The following MATN4 variants were observed in gnomAD, a reference collection of about 807,000 sequenced individuals.
MATN4 encodes the protein matrilin-4.
Under a neutral mutation model 54.6 loss-of-function variants are expected in MATN4, and 40 were observed. That is an observed-to-expected ratio of 0.73 (90% CI 0.57 to 0.95). The LOEUF is 0.95. MATN4 is among the 40% of genes least tolerant of loss of function. The pLI is 0.00. For missense variants in MATN4, 810 were observed against 819.1 expected, an observed-to-expected ratio of 0.99 and a Z score of 0.13; for synonymous variants, 351 against 345.3, an observed-to-expected ratio of 1.02 and a Z score of -0.18.
chr20:45,293,918 C>G lies in MATN4; in HGVS notation c.1677G>C (p.Leu559=). 6.2e-7 allele frequency: 1 copy of G among 1,602,888 alleles called. No individual in the cohort carries two copies. The highest frequency in any genetic ancestry group is 1.1e-5 in the South Asian group (1 of 90,582). The change falls in exon 9 of 10, where the codon CTG becomes CTC. Residue 559 remains leucine, a synonymous_variant. Transcript: ENST00000372756. Reference sequence around the variant, plus strand: ...AGCCCCAAAGGATATGGTTCAGCGTCAGGCTCTCGAGCGCCCCCAGCGTGC... The same window carrying G: ...AGCCCCAAAGGATATGGTTCAGCGTGAGGCTCTCGAGCGCCCCCAGCGTGC... ...QGRTLGALES[L]TLNLAQLTAR...
intron 6 of MATN4, among the ~76,000 whole-genome samples, chr20:45,299,313 C>G (rs189233473): frequency 1.5e-3 from 221 of 152,216 alleles, no homozygotes; most frequent in African/African-American, 5.1e-3. Flanking sequence ...GTCAGACATG[C>G]TATGTGCTCT....
At chr20:45,307,001 A>ACCCCCCCCCCCCCCCCCCCCCC (rs562994913) in intron 1 of MATN4, 1 of 720,924 alleles carries the variant, frequency 1.4e-6, no homozygotes, top group Non-Finnish European at 1.7e-6. Context: ...ACGAAGGACC[A>ACCCCCCCCCCCCCCCCCCCCCC]CCCCCCCACC....
chr20:45,307,169 C>T lies in MATN4; in HGVS notation c.-35+1006G>A, dbSNP rs1048843318. On this transcript the variant is annotated intron_variant, in intron 1 of 9. Transcript: ENST00000372756. Reference sequence around the variant, plus strand: ...AAACCTCATTTCCTTCCAGCTCCTACCCCACCGCCGCGCCCCATGCTGAAG... The same window carrying T: ...AAACCTCATTTCCTTCCAGCTCCTATCCCACCGCCGCGCCCCATGCTGAAG... 2.0e-5 allele frequency among the ~76,000 whole-genome samples: 3 copies of T among 152,156 alleles called. No individual in the cohort carries two copies. The South Asian group carries it at 6.2e-4, about 32-fold the overall frequency.
At position 45,293,726 on chromosome 20, in the gene MATN4, T is replaced by G. The variant is rs534866070; in HGVS notation, c.*41A>C. On this transcript the variant is annotated 3_prime_UTR_variant, in exon 10 of 10. Coordinates refer to ENST00000372756, the MANE Select transcript of MATN4 (RefSeq NM_001393530.1). ...GATGGCGCGCAAGGGGCACCGTCCG[T>G]GGTGCCGCGCCCCAGCCCGGGTCTG... is the stretch of plus-strand genomic sequence containing the variant. 1 of 1,553,938 alleles carries G rather than the reference T, an allele frequency of 6.4e-7. No individual in the cohort carries two copies. The highest frequency in any genetic ancestry group is 1.4e-5 in the African/African-American group (1 of 73,440).
chr20:45,300,153 A>C (rs1372449997), intron 6 of MATN4, among the ~76,000 whole-genome samples: 1 of 152,204 alleles, frequency 6.6e-6, no homozygotes, highest in East Asian at 1.9e-4. Context: ...TTGATATAGC[A>C]GCCTGAATGA....
At chr20:45,299,593 G>T (rs866907066) in intron 6 of MATN4, among the ~76,000 whole-genome samples, 11 of 152,082 alleles carry the variant, frequency 7.2e-5, no homozygotes, top group South Asian at 2.1e-4. Flanking sequence ...TACTGTCCTT[G>T]TAAGAGTCTG....
chr20:45,301,436 A>G lies in MATN4; in HGVS notation c.651T>C (p.Asp217=). 6.2e-7 allele frequency: 1 copy of G among 1,613,732 alleles called. No individual in the cohort carries two copies. Among genetic ancestry groups the G allele is most frequent in the East Asian group, 2.2e-5 (1 of 44,890 alleles). ...ATCCATGGGTCCCTTCAGCACACAG[A>G]TCAATGGCTGAGGAAGAAATGGGGT... is the stretch of plus-strand genomic sequence containing the variant. ...LQFQSRLCAI[D]LCAEGTHGCE... Residue 217 remains aspartate (D), a synonymous_variant, in exon 4 of 10, where the codon GAT becomes GAC. Transcript: ENST00000372756.
rs749157411 is a variant in MATN4 at position 45,298,359 on chromosome 20, G to A, written c.1237C>T (p.Leu413=). The A allele has an allele frequency of 3.7e-6, 6 of 1,612,746 alleles. No individual in the cohort carries two copies. The Admixed American group carries it at 8.3e-5, about 22-fold the overall frequency. The change falls in exon 7 of 10, where the codon CTG becomes TTG. Residue 413 remains leucine (L), a synonymous_variant. Transcript: ENST00000372756. This position sits in a 1 kb window ranked among gnomAD's most constrained non-coding sequence, Gnocchi z 4.6. ...GTAAEVKQAV[L]AVEYMERGTM... ...CCGCGTTCCATGTACTCCACGGCCA[G>A]GACCGCCTGCTTCACCTCGGCTGCG...
At chr20:45,302,944 G>A (rs181292052) in intron 3 of MATN4, among the ~76,000 whole-genome samples, 24 of 152,238 alleles carry the variant, frequency 1.6e-4, no homozygotes, top group African/African-American at 5.8e-4. Context: ...ATAGCTGGGT[G>A]TGGTGGCCAG....
In MATN4 at chr20:45,293,746, G is replaced by C; in HGVS notation, c.*21C>G. The C allele has an allele frequency of 6.3e-7, 1 of 1,598,130 alleles. No individual in the cohort carries two copies. Among genetic ancestry groups the C allele is most frequent in the East Asian group, 2.2e-5 (1 of 44,656 alleles). On this transcript the variant is annotated 3_prime_UTR_variant, in exon 10 of 10. Transcript: ENST00000372756. ...GTCCGTGGTGCCGCGCCCCAGCCCGGGTCTGGGCCGTCCGTGGCCCTCACT... is the reference window on the plus strand; with the variant it reads ...GTCCGTGGTGCCGCGCCCCAGCCCGCGTCTGGGCCGTCCGTGGCCCTCACT...
intron 8 of MATN4, among the ~76,000 whole-genome samples, chr20:45,296,130 G>A (rs1408463638): frequency 3.4e-5 from 5 of 145,918 alleles, no homozygotes; most frequent in East Asian, 2.1e-4. Context: ...CAGGAGAATC[G>A]CTTGAACCTG....
At chr20:45,304,140 C>T in intron 3 of MATN4, 88 bp downstream of exon 3, 2 of 1,230,120 alleles carry the variant, frequency 1.6e-6, no homozygotes, top group South Asian at 2.0e-5. Context: ...GGGGCCACCC[C>T]CACGGGATGG....
Position 45,308,258 on chromosome 20 carries a change from G to GCGGC in MATN4, c.-122_-119dup. ...TCCCGGGCACTTGGACCAGGTAACG[G>GCGGC]CGGCGTGGCAGCGTGCCCTAGGTGG... On this transcript the variant is annotated 5_prime_UTR_variant, in exon 1 of 10. Coordinates refer to ENST00000372756, the MANE Select transcript of MATN4 (RefSeq NM_001393530.1). The GCGGC allele has an allele frequency of 6.3e-7, 1 of 1,595,500 alleles. No individual in the cohort carries two copies. The highest frequency in any genetic ancestry group is 2.2e-5 in the East Asian group (1 of 44,758).
intron 8 of MATN4, among the ~76,000 whole-genome samples, chr20:45,294,683 A>G (rs1347656670): frequency 6.6e-6 from 1 of 152,194 alleles, no homozygotes; most frequent in African/African-American, 2.4e-5. Flanking sequence ...TCAAGTAAAT[A>G]CTTTACAGCA....
Position 45,298,103 on chromosome 20 carries a change from G to A in MATN4, c.1427-33C>T. On this transcript the variant is annotated intron_variant, in intron 7 of 9. Coordinates refer to ENST00000372756, the MANE Select transcript of MATN4 (RefSeq NM_001393530.1). This position sits in a 1 kb window ranked among gnomAD's most constrained non-coding sequence, Gnocchi z 4.6. ...GCCGGGGTCTCAGAGGGTGCCCCAGGCCTCGGGAAAGCTGCCTCCCAGCGT... is the reference window on the plus strand; with the variant it reads ...GCCGGGGTCTCAGAGGGTGCCCCAGACCTCGGGAAAGCTGCCTCCCAGCGT... The A allele has an allele frequency of 6.2e-7, 1 of 1,604,952 alleles. No homozygotes were observed. Among genetic ancestry groups the A allele is most frequent in the Non-Finnish European group, 8.5e-7 (1 of 1,173,458 alleles).
In MATN4 at chr20:45,293,824, C is replaced by G; in HGVS notation, c.1689G>C (p.Leu563=). ...LGALESLTLN[L]AQLTARLEDL... ...CCTCCAGGCGCGCCGTCAGCTGGGC[C>G]AGTGAGCGGTTAAGGAGGCCGTTGG... Residue 563 remains leucine (L), a splice_region_variant and synonymous_variant, in exon 10 of 10, where the codon CTG becomes CTC. Transcript: ENST00000372756. 3.7e-6 allele frequency: 6 copies of G among 1,611,544 alleles called. No homozygotes were observed. The highest frequency in any genetic ancestry group is 5.1e-6 in the Non-Finnish European group (6 of 1,179,944).
intron 3 of MATN4, 47 bp downstream of exon 3, chr20:45,304,181 A>T (rs775655221): frequency 2.2e-6 from 3 of 1,393,246 alleles, no homozygotes; most frequent in Non-Finnish European, 2.9e-6. Flanking sequence ...GAATCCAAGC[A>T]TTTGGATTGA....
intron 3 of MATN4, among the ~76,000 whole-genome samples, chr20:45,302,186 A>G (rs975625723): frequency 6.6e-6 from 1 of 152,208 alleles, no homozygotes; most frequent in Non-Finnish European, 1.5e-5. Flanking sequence ...AGAGGCTCAC[A>G]GCAAGAGGTG....
rs764047363 is a variant in MATN4 at position 45,298,090 on chromosome 20, G to C, written c.1427-20C>G. On this transcript the variant is annotated intron_variant, in intron 7 of 9. Coordinates refer to ENST00000372756, the MANE Select transcript of MATN4 (RefSeq NM_001393530.1). This position sits in a 1 kb window ranked among gnomAD's most constrained non-coding sequence, Gnocchi z 4.6. ...CGATGCCTGCAAGGCCGGGGTCTCA[G>C]AGGGTGCCCCAGGCCTCGGGAAAGC... The C allele has an allele frequency of 7.5e-6, 12 of 1,608,444 alleles. No homozygotes were observed. Among genetic ancestry groups the C allele is most frequent in the Non-Finnish European group, 1.0e-5 (12 of 1,176,116 alleles).
Sources: allele counts gnomAD v4.1 joint callset (sites outside exome capture counted in the v4.1 genomes callset), GRCh38; gene constraint gnomAD v4.1.1; non-coding constraint Gnocchi (gnomAD v3.1); transcripts MANE v1.5; gene names NCBI Gene and HGNC (gene_info 2026-07-23, HGNC 2026-07-21).